SLC39A8: variants seen among roughly 807,000 people sequenced by gnomAD.
SLC39A8 encodes the protein solute carrier family 39 member 8.
In SLC39A8, 15 loss-of-function variants were observed where a neutral mutation model predicts 40.4. That is an observed-to-expected ratio of 0.37 (90% CI 0.25 to 0.57). The LOEUF is 0.57. Ranked by LOEUF, SLC39A8 falls within the 20% of genes least tolerant of loss-of-function variation. SLC39A8 has a pLI of 0.75. For synonymous variants in SLC39A8, 223 were observed against 221.6 expected (o/e 1.01, Z -0.06); for missense variants, 472 against 558.8 (o/e 0.84, Z 1.57).
chr4:102,278,599 G>T (rs1481208179), intron 6 of SLC39A8, among the ~76,000 whole-genome samples: 1 of 151,356 alleles, frequency 6.6e-6, no homozygotes, highest in Non-Finnish European at 1.5e-5. Flanking sequence ...CAAGGATCTA[G>T]AACCAGAAAT....
intron 6 of SLC39A8, among the ~76,000 whole-genome samples, chr4:102,297,786 C>T (rs1733745416): frequency 6.6e-6 from 1 of 151,938 alleles, no homozygotes; most frequent in Admixed American, 6.6e-5. Flanking sequence ...GGCATGGTGG[C>T]ATGTGCCTGC....
rs72924878 is a variant in SLC39A8 at position 102,297,584 on chromosome 4, T to A, written c.840+6733A>T. Among the ~76,000 whole-genome samples the A allele has an allele frequency of 6.6e-3, 999 of 152,074 alleles. 17 individuals are homozygous for A. Among genetic ancestry groups the A allele is most frequent in the African/African-American group, 0.023 (953 of 41,514 alleles). ...CACCTTGAGGTAGAAAAGATGGAAC[T>A]TGTTTGTAGACACGGGAAAAGGAGA... On this transcript the variant is annotated intron_variant, in intron 6 of 8. Transcript: ENST00000356736.
At chr4:102,303,986 T>C (rs1560549117) in intron 6 of SLC39A8, among the ~76,000 whole-genome samples, 1 of 151,896 alleles carries the variant, frequency 6.6e-6, no homozygotes, top group Non-Finnish European at 1.5e-5. Flanking sequence ...TTCTGGATCT[T>C]CAAAGAATTG....
At chr4:102,332,617 G>C (rs979503130) in intron 2 of SLC39A8, among the ~76,000 whole-genome samples, 2 of 152,206 alleles carry the variant, frequency 1.3e-5, no homozygotes, top group African/African-American at 4.8e-5. Context: ...AATTCCTCAA[G>C]GATCTAGAAC....
At chr4:102,263,726 A>G (rs1681275180) in intron 8 of SLC39A8, among the ~76,000 whole-genome samples, 1 of 152,198 alleles carries the variant, frequency 6.6e-6, no homozygotes, top group South Asian at 2.1e-4. Flanking sequence ...AGTGGAGGCA[A>G]TCCTCTCAAA....
chr4:102,312,910 T>G (rs1734504954), intron 3 of SLC39A8, among the ~76,000 whole-genome samples: 1 of 152,162 alleles, frequency 6.6e-6, no homozygotes, highest in Non-Finnish European at 1.5e-5. Context: ...GTGCTTTTAC[T>G]GTGCAATACT....
intron 2 of SLC39A8, among the ~76,000 whole-genome samples, chr4:102,328,194 T>C (rs973569310): frequency 3.9e-5 from 6 of 152,222 alleles, no homozygotes; most frequent in African/African-American, 1.4e-4. Flanking sequence ...TGAATACCTA[T>C]TCCATTTCCT....
intron 4 of SLC39A8, among the ~76,000 whole-genome samples, chr4:102,306,756 C>G (rs1320300779): frequency 6.6e-6 from 1 of 151,966 alleles, no homozygotes. Context: ...TCAACATTGC[C>G]TCTCTTTTCC....
At chr4:102,291,948 C>T (rs1440262701) in intron 6 of SLC39A8, among the ~76,000 whole-genome samples, 1 of 151,670 alleles carries the variant, frequency 6.6e-6, no homozygotes, top group Admixed American at 6.6e-5. Context: ...AAGCCAGGCA[C>T]AGAAATAAAT....
chr4:102,317,962 T>C (rs1224184738), intron 2 of SLC39A8, among the ~76,000 whole-genome samples: 1 of 152,122 alleles, frequency 6.6e-6, no homozygotes, highest in Non-Finnish European at 1.5e-5. Flanking sequence ...TAATAGAAAC[T>C]ATAGACCATA....
intron 2 of SLC39A8, among the ~76,000 whole-genome samples, chr4:102,330,237 G>C (rs888545097): frequency 2.0e-5 from 3 of 152,136 alleles, no homozygotes; most frequent in African/African-American, 7.2e-5. Context: ...CCAGGAGCTG[G>C]TTTTTTTGAA....
chr4:102,290,980 A>G (rs901759919), intron 6 of SLC39A8, among the ~76,000 whole-genome samples: 2 of 151,968 alleles, frequency 1.3e-5, no homozygotes, highest in Non-Finnish European at 2.9e-5. Context: ...TGTGCTCCAT[A>G]AGATATCCCT....
intron 6 of SLC39A8, among the ~76,000 whole-genome samples, chr4:102,296,224 A>T (rs181060358): frequency 2.5e-4 from 38 of 152,248 alleles, no homozygotes; most frequent in Non-Finnish European, 4.6e-4. Context: ...GAAAAATGAG[A>T]AAGAATGGAA....
At chr4:102,316,102 G>A (rs1180438109) in intron 2 of SLC39A8, among the ~76,000 whole-genome samples, 1 of 151,944 alleles carries the variant, frequency 6.6e-6, no homozygotes, top group East Asian at 1.9e-4. Flanking sequence ...GCATATCTAA[G>A]GACTTTATTT....
chr4:102,328,338 T>A (rs1402809624), intron 2 of SLC39A8, among the ~76,000 whole-genome samples: 1 of 151,034 alleles, frequency 6.6e-6, no homozygotes, highest in Non-Finnish European at 1.5e-5. Context: ...CTTATCTCTC[T>A]GTTTTTTTTT....
At chr4:102,294,202 A>T (rs1025245147) in intron 6 of SLC39A8, among the ~76,000 whole-genome samples, 5 of 152,044 alleles carry the variant, frequency 3.3e-5, no homozygotes, top group Non-Finnish European at 7.4e-5. Context: ...GAATATATGT[A>T]AAACTCCTAC....
At chr4:102,320,308 G>A (rs1734876192) in intron 2 of SLC39A8, among the ~76,000 whole-genome samples, 1 of 106,806 alleles carries the variant, frequency 9.4e-6, no homozygotes, top group South Asian at 3.4e-4. Flanking sequence ...ATATATATAT[G>A]AGTATATATA....
chr4:102,270,435 T>A (rs1237133101), intron 6 of SLC39A8, among the ~76,000 whole-genome samples: 3 of 152,218 alleles, frequency 2.0e-5, no homozygotes, highest in Non-Finnish European at 4.4e-5. Flanking sequence ...AAACTTCTTT[T>A]TTAATTCACC....
chr4:102,326,927 G>A (rs1412659556), intron 2 of SLC39A8, among the ~76,000 whole-genome samples: 2 of 151,946 alleles, frequency 1.3e-5, no homozygotes, highest in African/African-American at 4.8e-5. Context: ...TCCTTCTTCT[G>A]CCCAAACTGC....
Sources: allele counts gnomAD v4.1 joint callset (sites outside exome capture counted in the v4.1 genomes callset), GRCh38; gene constraint gnomAD v4.1.1; transcripts MANE v1.5; gene names NCBI Gene and HGNC (gene_info 2026-07-23, HGNC 2026-07-21).